AFDN: variants seen among roughly 807,000 people sequenced by gnomAD.
The protein encoded by AFDN is afadin, adherens junction formation factor.
AFDN carries 68 observed loss-of-function variants against 216.6 expected under a neutral mutation model. That is an observed-to-expected ratio of 0.31 (90% CI 0.26 to 0.38). The LOEUF (loss-of-function observed/expected upper bound fraction) is 0.38. AFDN is among the 10% of genes least tolerant of loss of function. The probability of loss-of-function intolerance (pLI) is 1.00; values close to 1 mark genes in which losing one functional copy is unlikely to be tolerated. For synonymous variants in AFDN, 868 were observed against 853.7 expected (o/e 1.02, Z -0.29); for missense variants, 2,136 against 2,342.0 (o/e 0.91, Z 1.82).
intron 1 of AFDN, among the ~76,000 whole-genome samples, chr6:167,862,380 GGT>G (rs1783684823): frequency 6.8e-6 from 1 of 148,052 alleles, no homozygotes; most frequent in Non-Finnish European, 1.5e-5. Context: ...ATAAAGGTTT[GGT>G]TTTTTTTTTT....
At chr6:167,924,097 A>T (rs1001555466) in intron 22 of AFDN, among the ~76,000 whole-genome samples, 11 of 140,680 alleles carry the variant, frequency 7.8e-5, no homozygotes, top group East Asian at 2.0e-4. Context: ...GTTTTGATTT[A>T]AAAAAAAAAA....
intron 31 of AFDN, chr6:167,965,190 T>C (rs1227212198): frequency 1.9e-6 from 1 of 532,490 alleles, no homozygotes; most frequent in Non-Finnish European, 2.4e-6. Context: ...TTAATCTCCT[T>C]CCTGATAACT....
intron 1 of AFDN, among the ~76,000 whole-genome samples, chr6:167,852,850 C>T (rs1782470930): frequency 6.6e-6 from 1 of 152,032 alleles, no homozygotes; most frequent in Non-Finnish European, 1.5e-5. Flanking sequence ...TGCTGGTATT[C>T]AGATTGTCCC....
intron 29 of AFDN, among the ~76,000 whole-genome samples, chr6:167,948,709 T>C (rs186084020): frequency 1.3e-5 from 2 of 152,362 alleles, no homozygotes; most frequent in East Asian, 1.9e-4. Context: ...ATATAAGGCC[T>C]TACAATTTTT....
intron 1 of AFDN, among the ~76,000 whole-genome samples, chr6:167,861,560 A>G (rs549928583): frequency 2.0e-5 from 3 of 152,198 alleles, no homozygotes; most frequent in Admixed American, 6.5e-5. Flanking sequence ...TTATGTTTGC[A>G]GTTTCCTTTT....
At position 167,891,077 on chromosome 6, in the gene AFDN, G is replaced by A. The variant is rs530804598; in HGVS notation, c.1177+48G>A. ...CACACATTATTAATGTGCATTTTTAGCTTCAAATCTTTGTACTTTCTAATG... is the reference window on the plus strand; with the variant it reads ...CACACATTATTAATGTGCATTTTTAACTTCAAATCTTTGTACTTTCTAATG... On this transcript the variant is annotated intron_variant, in intron 8 of 33. Transcript: ENST00000683244. 6 of 1,413,376 alleles carry A rather than the reference G, an allele frequency of 4.2e-6. No homozygotes were observed. The South Asian group carries it at 8.5e-5, about 20-fold the overall frequency. 87.6% of individuals were successfully genotyped at this position (1,413,376 alleles called of 1,614,324 possible). A position where few individuals can be genotyped will look rare whatever the true frequency, so the allele number is the denominator to read the frequency against.
chr6:167,891,093 C>G lies in AFDN; in HGVS notation c.1177+64C>G, dbSNP rs1243117097. ...GCATTTTTAGCTTCAAATCTTTGTA[C>G]TTTCTAATGCATCTTCAAGTAGTCT... On this transcript the variant is annotated intron_variant, in intron 8 of 33. Coordinates refer to ENST00000683244, the MANE Select transcript of AFDN (RefSeq NM_001386888.1). The G allele has an allele frequency of 3.8e-6, 5 of 1,317,868 alleles. No individual in the cohort carries two copies. The African/African-American group carries it at 6.0e-5, about 16-fold the overall frequency. The allele number at this position is 1,317,868 out of a possible 1,614,324, so 81.6% of individuals were successfully genotyped here.
intron 1 of AFDN, among the ~76,000 whole-genome samples, chr6:167,859,194 T>C (rs1316554893): frequency 6.6e-6 from 1 of 151,428 alleles, no homozygotes; most frequent in Non-Finnish European, 1.5e-5. Flanking sequence ...GATTTAAAAA[T>C]AGTGTTCATA....
intron 1 of AFDN, among the ~76,000 whole-genome samples, chr6:167,860,093 T>G (rs1783370274): frequency 6.6e-6 from 1 of 151,244 alleles, no homozygotes; most frequent in African/African-American, 2.4e-5. Flanking sequence ...AAATAGAAAC[T>G]TCTTTCTGAA....
At chr6:167,911,048 A>T (rs1410470638) in intron 13 of AFDN, 53 bp from the exon 14 acceptor site, 3 of 1,454,628 alleles carry the variant, frequency 2.1e-6, no homozygotes, top group Non-Finnish European at 2.9e-6. Context: ...GTTGTCAGTA[A>T]TATTGTTAGC....
chr6:167,967,378 T>C (rs530993776), intron 32 of AFDN, among the ~76,000 whole-genome samples: 8 of 152,176 alleles, frequency 5.3e-5, no homozygotes, highest in Non-Finnish European at 8.8e-5. Flanking sequence ...TTGATCTACT[T>C]TGAAGGTTTA....
At chr6:167,830,758 T>G (rs929654236) in intron 1 of AFDN, among the ~76,000 whole-genome samples, 1 of 152,064 alleles carries the variant, frequency 6.6e-6, no homozygotes, top group Non-Finnish European at 1.5e-5. Flanking sequence ...CGAGAAGTAA[T>G]GTGGTGATTC....
At chr6:167,947,803 G>C in intron 27 of AFDN, 50 bp from the exon 28 acceptor site, 1 of 1,196,532 alleles carries the variant, frequency 8.4e-7, no homozygotes, top group Non-Finnish European at 1.2e-6. Context: ...GTTATATATA[G>C]GTTGTTTATT....
chr6:167,850,686 A>G (rs1342067417), intron 1 of AFDN, among the ~76,000 whole-genome samples: 1 of 152,184 alleles, frequency 6.6e-6, no homozygotes, highest in African/African-American at 2.4e-5. Flanking sequence ...CAGATTCAAG[A>G]TGAAGATTAT....
intron 1 of AFDN, among the ~76,000 whole-genome samples, chr6:167,847,365 CAT>C (rs895004650): frequency 2.0e-5 from 3 of 152,146 alleles, no homozygotes; most frequent in Non-Finnish European, 4.4e-5. Context: ...ACTTCAGCCC[CAT>C]ATAGCCAGTC....
chr6:167,954,940 C>A (rs1044060324), intron 30 of AFDN, among the ~76,000 whole-genome samples: 14 of 151,938 alleles, frequency 9.2e-5, no homozygotes, highest in African/African-American at 3.1e-4. Flanking sequence ...AAGAGATTTC[C>A]AGTGAACATG....
At chr6:167,922,769 G>A (rs1791992572) in intron 21 of AFDN, 87 bp from the exon 22 acceptor site, 2 of 823,472 alleles carry the variant, frequency 2.4e-6, no homozygotes, top group Non-Finnish European at 4.1e-6. Context: ...CCGTGTGTTG[G>A]ATATTAAGCA....
intron 11 of AFDN, among the ~76,000 whole-genome samples, chr6:167,901,518 AT>A (rs1788946512): frequency 6.6e-6 from 1 of 152,226 alleles, no homozygotes; most frequent in Admixed American, 6.5e-5. Flanking sequence ...AACTAGGATA[AT>A]TTTTGATTTG....
chr6:167,915,436 G>A lies in AFDN; in HGVS notation c.2565+3G>A. 6.2e-7 allele frequency: 1 copy of A among 1,604,914 alleles called. No homozygotes were observed. Among genetic ancestry groups the A allele is most frequent in the Non-Finnish European group, 8.5e-7 (1 of 1,174,030 alleles). On this transcript the variant is annotated splice_donor_region_variant and intron_variant, in intron 19 of 33. Transcript: ENST00000683244. ...GTCATCTGAGCAGGATCGTGCAGGT[G>A]ATTGCTGGTGCCACTCCCCAGCTCA...
Sources: gnomAD v4.1 joint callset for allele counts (sites outside exome capture counted in the v4.1 genomes callset) on GRCh38, gnomAD v4.1.1 for gene constraint, MANE v1.5 for transcripts, NCBI Gene and HGNC (gene_info 2026-07-23, HGNC 2026-07-21) for gene names.